The following PPP2R3C variants were observed in gnomAD, a reference collection of about 807,000 sequenced individuals.
PPP2R3C encodes the protein serine/threonine-protein phosphatase 2A regulatory subunit B'' subunit gamma.
PPP2R3C carries 47 observed loss-of-function variants against 63.7 expected under a neutral mutation model. The ratio of observed to expected loss-of-function variants is 0.74; its 90% CI spans 0.58 to 0.94. The LOEUF is 0.94. Ranked by LOEUF, PPP2R3C falls within the 40% of genes least tolerant of loss-of-function variation. The pLI, the probability that PPP2R3C is intolerant of heterozygous loss-of-function variation, is 0.00. For missense variants in PPP2R3C, 421 were observed against 518.4 expected (o/e 0.81, Z 1.82); for synonymous variants, 180 against 177.4 (o/e 1.01, Z -0.12).
intron 6 of PPP2R3C, chr14:35,102,110 T>C (rs1343096979): frequency 6.8e-6 from 1 of 146,548 alleles, no homozygotes; most frequent in Non-Finnish European, 1.5e-5. Context: ...CACTGAAACC[T>C]CCACCTCTTG....
Position 35,116,639 on chromosome 14 carries a change from A to G in PPP2R3C, c.157T>C (p.Tyr53His). ...TAATAAAACCGGGGAATGGTCTTAT[A>G]GAATTCATTTGTGTTTTTTCTACCT... ...KGGRKNTNEF[Y>H]KTIPRFYYRL... Residue 53 changes from tyrosine to histidine, a missense_variant, in exon 2 of 13, where the codon TAT becomes CAT. Tyr to His is a moderately conservative substitution (Grantham distance 83). Around this residue, in one of 3 missense-constraint regions of PPP2R3C, gnomAD observed 143 missense variants for 151.2 expected, o/e 0.95. Transcript: ENST00000261475. The G allele has an allele frequency of 6.2e-7, 1 of 1,601,438 alleles. No individual in the cohort carries two copies. The highest frequency in any genetic ancestry group is 8.5e-7 in the Non-Finnish European group (1 of 1,171,512).
chr14:35,087,119 CA>C (rs2045628740), intron 12 of PPP2R3C: 1 of 151,928 alleles, frequency 6.6e-6, no homozygotes, highest in Admixed American at 6.6e-5. Flanking sequence ...ATTAGACATC[CA>C]AAAAGAAGCT....
intron 1 of PPP2R3C, among the ~76,000 whole-genome samples, chr14:35,118,846 G>A (rs115889023): frequency 0.014 from 2,193 of 151,938 alleles, 67 homozygotes; most frequent in African/African-American, 0.051. Flanking sequence ...TAGAGAGAGC[G>A]TTTCACCACG....
chr14:35,120,701 C>T (rs1428172525), intron 1 of PPP2R3C, among the ~76,000 whole-genome samples: 1 of 152,100 alleles, frequency 6.6e-6, no homozygotes, highest in Non-Finnish European at 1.5e-5. Context: ...AATAGCAACA[C>T]TTTGGGAGGT....
At chr14:35,122,256 T>C (rs1005579081), upstream of PPP2R3C, 1 of 415,230 alleles carries the variant, frequency 2.4e-6, no homozygotes, top group Non-Finnish European at 4.5e-6. Flanking sequence ...TAAGCCCGCG[T>C]TTTCCTTTAT....
At chr14:35,107,814 A>C (rs2046410267) in intron 5 of PPP2R3C, 2 of 202,676 alleles carry the variant, frequency 9.9e-6, no homozygotes, top group Non-Finnish European at 1.7e-5. Context: ...TGGGTTTGAA[A>C]CTATCAGTCA....
Position 35,095,165 on chromosome 14 carries a change from ATCAAGATT to A in PPP2R3C, c.850_857del (p.Asn284Ter). ...TACTGAGCATGCCATTGTGATCTTT[ATCAAGATT>A]CAAGTACTGGCCTTGGGAAGAAAAA... On this transcript the variant is annotated frameshift_variant, in exon 10 of 13. Coordinates refer to ENST00000261475, the MANE Select transcript of PPP2R3C (RefSeq NM_017917.4). LOFTEE classifies it high-confidence loss of function. 6.2e-7 allele frequency: 1 copy of A among 1,613,738 alleles called. No homozygotes were observed. Among genetic ancestry groups the A allele is most frequent in the Non-Finnish European group, 8.5e-7 (1 of 1,179,678 alleles).
chr14:35,088,979 C>T (rs959524314), intron 11 of PPP2R3C, among the ~76,000 whole-genome samples: 1 of 152,206 alleles, frequency 6.6e-6, no homozygotes, highest in African/African-American at 2.4e-5. Context: ...ATTTCAAATA[C>T]ATTTATTTTC....
chr14:35,114,614 A>G (rs1351015467), intron 2 of PPP2R3C, among the ~76,000 whole-genome samples: 1 of 152,160 alleles, frequency 6.6e-6, no homozygotes, highest in East Asian at 1.9e-4. Context: ...AGTAGATTTC[A>G]GTTTCAGGTA....
rs1048546324 is a variant in PPP2R3C at position 35,109,897 on chromosome 14, G to A, written c.326C>T (p.Pro109Leu). Residue 109 changes from proline (P) to leucine (L), a missense_variant, in exon 4 of 13, where the codon CCA becomes CTA. This residue lies in a region of PPP2R3C where 143 missense variants were observed against 151.2 expected (regional missense o/e 0.95). Coordinates refer to ENST00000261475, the MANE Select transcript of PPP2R3C (RefSeq NM_017917.4). ...LWFLLDKHQT[P>L]PMIGEEAMIN... ...CATCGCTTCCTCTCCAATCATAGGT[G>A]GTGTCTGGTGTTTGTCCAGCAAAAA... 1 of 1,610,380 alleles carries A rather than the reference G, an allele frequency of 6.2e-7. No homozygotes were observed. Among genetic ancestry groups the A allele is most frequent in the East Asian group, 2.2e-5 (1 of 44,818 alleles).
chr14:35,115,155 T>C (rs1363761657), intron 2 of PPP2R3C, among the ~76,000 whole-genome samples: 1 of 151,368 alleles, frequency 6.6e-6, no homozygotes, highest in Non-Finnish European at 1.5e-5. Context: ...CGGCTTTTTT[T>C]TTTTTCTTTT....
chr14:35,089,152 G>A (rs768197531), intron 11 of PPP2R3C, among the ~76,000 whole-genome samples: 5 of 152,074 alleles, frequency 3.3e-5, no homozygotes, highest in Admixed American at 2.0e-4. Flanking sequence ...CATTCAGGCC[G>A]TAGTGCAGTG....
At chr14:35,116,767 T>G in intron 1 of PPP2R3C, 30 bp from the exon 2 acceptor site, 1 of 1,515,810 alleles carries the variant, frequency 6.6e-7, no homozygotes, top group East Asian at 2.4e-5. Context: ...AGGGGAGCAC[T>G]TTTAAAATCA....
At chr14:35,088,957 GAGC>G (rs2045698959) in intron 11 of PPP2R3C, among the ~76,000 whole-genome samples, 1 of 152,124 alleles carries the variant, frequency 6.6e-6, no homozygotes, top group Non-Finnish European at 1.5e-5. Flanking sequence ...TTATGAAAAA[GAGC>G]AGTGTTTAAT....
intron 10 of PPP2R3C, among the ~76,000 whole-genome samples, chr14:35,092,899 CAA>C (rs1375730972): frequency 6.6e-6 from 1 of 152,058 alleles, no homozygotes; most frequent in Non-Finnish European, 1.5e-5. Flanking sequence ...CATAAAAAGG[CAA>C]AATGGAAAGG....
intron 12 of PPP2R3C, 66 bp downstream of exon 12, chr14:35,087,885 T>C: frequency 7.8e-7 from 1 of 1,274,226 alleles, no homozygotes; most frequent in Non-Finnish European, 1.1e-6. Flanking sequence ...TCATATAAAA[T>C]TTCATGTAAT....
chr14:35,096,232 T>TGGTGGGGGG (rs2045994789), intron 9 of PPP2R3C, among the ~76,000 whole-genome samples: 1 of 43,930 alleles, frequency 2.3e-5, no homozygotes, highest in African/African-American at 9.0e-5. Context: ...GTACTGGGGG[T>TGGTGGGGGG]GGTGGGGTGG....
chr14:35,121,825 C>A, intron 1 of PPP2R3C, 77 bp downstream of exon 1: 4 of 1,526,196 alleles, frequency 2.6e-6, no homozygotes, highest in South Asian at 1.1e-5. Flanking sequence ...CCCCCTTGCT[C>A]CTCCTCCCCA....
At chr14:35,121,514 T>A (rs767861796) in intron 1 of PPP2R3C, among the ~76,000 whole-genome samples, 5 of 151,464 alleles carry the variant, frequency 3.3e-5, no homozygotes, top group Non-Finnish European at 7.4e-5. Context: ...AGGAGAAAAA[T>A]AAAAGGAAAA....
Sources: allele counts gnomAD v4.1 joint callset (sites outside exome capture counted in the v4.1 genomes callset), GRCh38; gene constraint gnomAD v4.1.1; regional missense constraint gnomAD v4.1.1; transcripts MANE v1.5; gene names NCBI Gene and HGNC (gene_info 2026-07-23, HGNC 2026-07-21).